Variants in GRIN1 observed in about 807,000 individuals in gnomAD.
GRIN1 encodes glutamate receptor ionotropic, NMDA 1.
Under a neutral mutation model 103.0 loss-of-function variants are expected in GRIN1, and 38 were observed. That is an observed-to-expected ratio of 0.37 (90% CI 0.28 to 0.48). The LOEUF (loss-of-function observed/expected upper bound fraction) is 0.48, where lower values mean the gene tolerates loss of function less well. Among genes scored for constraint, GRIN1 ranks in the 20% least tolerant of loss-of-function variants. The pLI is 0.98. For synonymous variants in GRIN1, 544 were observed against 532.7 expected (o/e 1.02, Z -0.29); for missense variants, 577 against 1,288.9 (o/e 0.45, Z 8.46).
At chr9:137,165,365 C>T in intron 19 of GRIN1, 69 bp downstream of exon 19, 1 of 980,574 alleles carries the variant, frequency 1.0e-6, no homozygotes, top group East Asian at 2.4e-5. Context: ...TCTCCCGCCC[C>T]ATCACCCCGC....
Position 137,162,580 on chromosome 9 carries a change from C to T in GRIN1, c.1865-11C>T, listed in dbSNP as rs762010462. The T allele has an allele frequency of 6.2e-6, 10 of 1,611,582 alleles. No individual in the cohort carries two copies. Among genetic ancestry groups the T allele is most frequent in the Non-Finnish European group, 8.5e-6 (10 of 1,179,438 alleles). Reference sequence around the variant, plus strand: ...CTCTAGGGTCTGACAGAGCCCCCCGCCCGCCCACAGGCGCCCCCAGAAGCT... The same window carrying T: ...CTCTAGGGTCTGACAGAGCCCCCCGTCCGCCCACAGGCGCCCCCAGAAGCT... On this transcript the variant is annotated splice_polypyrimidine_tract_variant and intron_variant, in intron 13 of 19. Coordinates refer to ENST00000371561, the MANE Select transcript of GRIN1 (RefSeq NM_007327.4).
intron 4 of GRIN1, among the ~76,000 whole-genome samples, chr9:137,153,253 G>A (rs1187536585): frequency 1.4e-5 from 2 of 140,582 alleles, no homozygotes; most frequent in East Asian, 2.2e-4. Context: ...GTACACACAT[G>A]CACCATGCAT....
In GRIN1 at chr9:137,163,340, C is replaced by G. The variant is rs765966146; in HGVS notation, c.2333+10C>G. On this transcript the variant is annotated intron_variant, in intron 16 of 19. Coordinates refer to ENST00000371561, the MANE Select transcript of GRIN1 (RefSeq NM_007327.4). ...CCCTGTCCATCCTCAAGTGAGTGTC[C>G]GTGCGCCCGCGTCCCTCCTCCGCCC... is the stretch of plus-strand genomic sequence containing the variant. The G allele has an allele frequency of 1.9e-6, 3 of 1,612,868 alleles. No individual in the cohort carries two copies. The highest frequency in any genetic ancestry group is 1.7e-5 in the Admixed American group (1 of 59,998).
Position 137,162,878 on chromosome 9 carries a change from C to T in GRIN1, c.2046C>T (p.Ala682=), listed in dbSNP as rs1342160185. The T allele has an allele frequency of 1.2e-6, 2 of 1,612,168 alleles. No homozygotes were observed. The highest frequency in any genetic ancestry group is 2.2e-5 in the South Asian group (2 of 90,838). ...LRNPSDKFIY[A]TVKQSSVDIY... ...ACCCCTCGGACAAGTTTATCTACGCCACGGTGAAGCAGAGCTCCGTGGATA... is the reference window on the plus strand; with the variant it reads ...ACCCCTCGGACAAGTTTATCTACGCTACGGTGAAGCAGAGCTCCGTGGATA... Residue 682 remains alanine (A), a synonymous_variant, in exon 15 of 20, where the codon GCC becomes GCT. Transcript: ENST00000371561.
chr9:137,159,557 T>G (rs1421467024), intron 8 of GRIN1, among the ~76,000 whole-genome samples: 1 of 152,184 alleles, frequency 6.6e-6, no homozygotes, highest in East Asian at 1.9e-4. Context: ...TGGGTTTCAT[T>G]GCAGCCCAGA....
intron 4 of GRIN1, among the ~76,000 whole-genome samples, chr9:137,150,025 G>A (rs1409201309): frequency 1.3e-5 from 2 of 152,154 alleles, no homozygotes; most frequent in Non-Finnish European, 2.9e-5. Flanking sequence ...AGGGCTCCTC[G>A]GACTAGAAGG....
intron 4 of GRIN1, among the ~76,000 whole-genome samples, chr9:137,150,937 A>C (rs1832837931): frequency 6.8e-6 from 1 of 148,128 alleles, no homozygotes; most frequent in Non-Finnish European, 1.5e-5. Flanking sequence ...GCCCAGGGAA[A>C]GCCCCACCCA....
Position 137,139,946 on chromosome 9 carries a change from A to G in GRIN1, c.258+202A>G, listed in dbSNP as rs929368203. On this transcript the variant is annotated intron_variant, in intron 1 of 19. Coordinates refer to ENST00000371561, the MANE Select transcript of GRIN1 (RefSeq NM_007327.4). The surrounding 1 kb of genome is among the most constrained non-coding windows in gnomAD (Gnocchi z 7.7). Reference sequence around the variant, plus strand: ...GGCTCCCCTATCTTGGCCTGAGACCAGTCACCTGCCACCTTGGCTGGTCCT... The same window carrying G: ...GGCTCCCCTATCTTGGCCTGAGACCGGTCACCTGCCACCTTGGCTGGTCCT... Among the ~76,000 whole-genome samples, 10 of 152,206 alleles carry G rather than the reference A, an allele frequency of 6.6e-5. No individual in the cohort carries two copies. The highest frequency in any genetic ancestry group is 1.2e-4 in the Non-Finnish European group (8 of 68,040).
chr9:137,163,073 C>T, intron 15 of GRIN1, 70 bp downstream of exon 15: 3 of 1,565,600 alleles, frequency 1.9e-6, no homozygotes, highest in East Asian at 4.7e-5. Flanking sequence ...CTCCACCGGG[C>T]AGGAGAGCGT....
At chr9:137,142,809 C>A (rs4880216) in intron 2 of GRIN1, among the ~76,000 whole-genome samples, 1 of 152,014 alleles carries the variant, frequency 6.6e-6, no homozygotes, top group African/African-American at 2.4e-5. Flanking sequence ...AGCTCAGGGT[C>A]GGGGGCGCTG....
intron 2 of GRIN1, among the ~76,000 whole-genome samples, chr9:137,144,991 G>A (rs112144966): frequency 5.8e-5 from 4 of 68,886 alleles, no homozygotes; most frequent in Admixed American, 1.0e-4. Flanking sequence ...GAGGAAGGGG[G>A]TCCCAGGGTC....
chr9:137,167,381 C>A, intron 19 of GRIN1, 30 bp from the exon 20 acceptor site: 2 of 1,527,552 alleles, frequency 1.3e-6, no homozygotes, highest in Non-Finnish European at 1.8e-6. Context: ...GCGGGGCCAG[C>A]GGGTATTGAT....
intron 18 of GRIN1, chr9:137,164,330 G>A (rs2131305041): frequency 6.6e-6 from 2 of 303,496 alleles, no homozygotes; most frequent in Admixed American, 9.2e-5. Context: ...CTATGTCCTT[G>A]TGCTCCGTGA....
In GRIN1 at chr9:137,139,383, G is replaced by A; in HGVS notation, c.-104G>A. On this transcript the variant is annotated 5_prime_UTR_variant, in exon 1 of 20. Transcript: ENST00000371561. The surrounding 1 kb of genome is among the most constrained non-coding windows in gnomAD (Gnocchi z 7.7). The stretch of plus-strand genomic sequence containing the variant: ...CTCCGGGGGAGACGTGGCGTCCGCA[G>A]CCCGCGGGGCCGGGCGAGCGCAGGA... 1.4e-6 allele frequency: 1 copy of A among 726,196 alleles called. No homozygotes were observed. The highest frequency in any genetic ancestry group is 4.3e-5 in the East Asian group (1 of 23,466). The allele number at this position is 726,196 out of a possible 1,614,324, so 45.0% of individuals were successfully genotyped here. A position where few individuals can be genotyped will look rare whatever the true frequency, so the allele number is the denominator to read the frequency against.
intron 8 of GRIN1, 133 bp downstream of exon 8, chr9:137,158,837 T>C: frequency 4.2e-6 from 3 of 718,492 alleles, no homozygotes; most frequent in Non-Finnish European, 2.5e-6. Flanking sequence ...CTGCTTCCCC[T>C]GGACACCGTC....
chr9:137,164,048 G>A (rs750762891), intron 18 of GRIN1, 144 bp downstream of exon 18: 2 of 998,024 alleles, frequency 2.0e-6, no homozygotes, highest in Middle Eastern at 2.5e-4. Context: ...AGTGGTGAGT[G>A]CTCCCAGGGC....
At position 137,165,430 on chromosome 9, in the gene GRIN1, C is replaced by T. The variant is rs1009035853; in HGVS notation, c.2700+134C>T. On this transcript the variant is annotated intron_variant, in intron 19 of 19. Transcript: ENST00000371561. ...TGCCCCTGTCTCCCTGTGGCGGCCGCTCTGCCCAGCCCGCCCATGCTGCTC... is the reference window on the plus strand; with the variant it reads ...TGCCCCTGTCTCCCTGTGGCGGCCGTTCTGCCCAGCCCGCCCATGCTGCTC... 20 of 708,772 alleles carry T rather than the reference C, an allele frequency of 2.8e-5. No individual in the cohort carries two copies. The Middle Eastern group carries it at 1.8e-3, about 65-fold the overall frequency. 43.9% of individuals were successfully genotyped at this position (708,772 alleles called of 1,614,324 possible).
intron 2 of GRIN1, among the ~76,000 whole-genome samples, chr9:137,143,014 C>T (rs1490520091): frequency 6.6e-6 from 1 of 152,238 alleles, no homozygotes; most frequent in African/African-American, 2.4e-5. Context: ...GTCACACAGC[C>T]CTCCGTCTAC....
chr9:137,145,449 G>A (rs1428958258), intron 2 of GRIN1, among the ~76,000 whole-genome samples: 1 of 137,132 alleles, frequency 7.3e-6, no homozygotes, highest in East Asian at 2.3e-4. Context: ...GAGACACGAG[G>A]GGGTCCCAGA....
Sources: gnomAD v4.1 joint callset for allele counts (sites outside exome capture counted in the v4.1 genomes callset) on GRCh38, gnomAD v4.1.1 for gene constraint, Gnocchi (gnomAD v3.1) non-coding constraint, MANE v1.5 for transcripts, NCBI Gene and HGNC (gene_info 2026-07-23, HGNC 2026-07-21) for gene names.